Variants in TRPM1 observed in about 807,000 individuals in gnomAD.
TRPM1 encodes the protein TRPM1-203 APA Isoform, Intron 10.
In TRPM1, 113 loss-of-function variants were observed where a neutral mutation model predicts 149.4. The observed-to-expected ratio is 0.76, with a 90% CI of 0.65 to 0.88. The LOEUF (loss-of-function observed/expected upper bound fraction) is 0.88. Ranked by LOEUF, TRPM1 falls within the 40% of genes least tolerant of loss-of-function variation. TRPM1 has a pLI of 0.00. For synonymous variants in TRPM1, 741 were observed against 759.5 expected (o/e 0.98, Z 0.40); for missense variants, 1,976 against 2,038.7 (o/e 0.97, Z 0.59).
intron 1 of TRPM1, among the ~76,000 whole-genome samples, chr15:31,111,301 C>T (rs2035685568): frequency 6.6e-6 from 1 of 152,218 alleles, no homozygotes; most frequent in Non-Finnish European, 1.5e-5. Context: ...TGTCACTGTG[C>T]TGGCATCCCT....
intron 1 of TRPM1, among the ~76,000 whole-genome samples, chr15:31,085,278 T>C (rs1405751019): frequency 2.0e-5 from 3 of 152,350 alleles, no homozygotes; most frequent in Non-Finnish European, 2.9e-5. Flanking sequence ...ATCCTTGGCA[T>C]TTCTGCAGCA....
At chr15:31,033,528 T>C (rs2033192942) in intron 21 of TRPM1, among the ~76,000 whole-genome samples, 2 of 152,190 alleles carry the variant, frequency 1.3e-5, no homozygotes, top group East Asian at 3.9e-4. Context: ...TGCACAGGCG[T>C]GCGCAGAGCC....
intron 16 of TRPM1, 47 bp downstream of exon 16, chr15:31,046,157 T>C (rs932256857): frequency 1.3e-6 from 2 of 1,591,816 alleles, no homozygotes; most frequent in African/African-American, 1.3e-5. Flanking sequence ...GGGCTATGTA[T>C]ATTTGACCAG....
chr15:31,096,776 C>T (rs1344180604), intron 1 of TRPM1, among the ~76,000 whole-genome samples: 1 of 152,210 alleles, frequency 6.6e-6, no homozygotes, highest in Non-Finnish European at 1.5e-5. Flanking sequence ...CCTCGAGCCT[C>T]CTCTGGCAGT....
At chr15:31,112,814 G>A (rs554237597) in intron 1 of TRPM1, among the ~76,000 whole-genome samples, 5 of 152,232 alleles carry the variant, frequency 3.3e-5, no homozygotes, top group Admixed American at 6.5e-5. Flanking sequence ...TGCATATTAG[G>A]ATATTAAAAT....
chr15:31,151,738 T>A (rs905202503), intron 1 of TRPM1, among the ~76,000 whole-genome samples: 1 of 152,186 alleles, frequency 6.6e-6, no homozygotes, highest in Non-Finnish European at 1.5e-5. Flanking sequence ...GCTGGGACTG[T>A]CTCCCTCACC....
rs1241695840 is a variant in TRPM1, at chr15:31,001,925, G to T, written c.4775C>A (p.Ser1592Tyr). ...VKSIQGKLDR[S>Y]GHASSVSSLV... is the part of the protein sequence containing the mutation. ...GCTGCTTACACTACTGGCATGTCCA[G>T]ATCTGTCTAACTTTCCCTGAATGGA... Residue 1592 changes from serine (S) to tyrosine (Y), a missense_variant, in exon 28 of 28, where the codon TCT becomes TAT. Physicochemically the swap from Ser to Tyr is moderately radical, Grantham distance 144. Coordinates refer to ENST00000256552, the MANE Select transcript of TRPM1 (RefSeq NM_001252024.2). 2 of 1,614,110 alleles carry T rather than the reference G, an allele frequency of 1.2e-6. No homozygotes were observed. The highest frequency in any genetic ancestry group is 1.7e-5 in the Admixed American group (1 of 60,022).
chr15:31,004,569 C>T (rs1210508191), intron 27 of TRPM1, among the ~76,000 whole-genome samples: 1 of 152,066 alleles, frequency 6.6e-6, no homozygotes, highest in Non-Finnish European at 1.5e-5. Flanking sequence ...TTTATATGTA[C>T]TATAGGAAAC....
At chr15:31,105,296 C>T (rs537438625), upstream of TRPM1, among the ~76,000 whole-genome samples, 3 of 152,236 alleles carry the variant, frequency 2.0e-5, no homozygotes, top group Non-Finnish European at 4.4e-5. Flanking sequence ...CATTTCTTGC[C>T]GCAGATCTAG....
chr15:31,122,397 T>G (rs1248890104), intron 1 of TRPM1, among the ~76,000 whole-genome samples: 1 of 152,214 alleles, frequency 6.6e-6, no homozygotes, highest in Non-Finnish European at 1.5e-5. Flanking sequence ...TAAAACTGTC[T>G]TTGCTCACAG....
chr15:31,014,313 T>A (rs1014999822), intron 27 of TRPM1, among the ~76,000 whole-genome samples: 8 of 152,118 alleles, frequency 5.3e-5, no homozygotes, highest in African/African-American at 1.9e-4. Context: ...CTGTTCCAAC[T>A]CAGGTGAAAT....
At chr15:31,159,841 A>G (rs1260195716) in intron 1 of TRPM1, among the ~76,000 whole-genome samples, 1 of 152,038 alleles carries the variant, frequency 6.6e-6, no homozygotes, top group African/African-American at 2.4e-5. Flanking sequence ...GCCCAGATAA[A>G]TAACCTCTCT....
upstream of TRPM1, among the ~76,000 whole-genome samples, chr15:31,105,580 C>T (rs2035596026): frequency 6.6e-6 from 1 of 152,166 alleles, no homozygotes; most frequent in South Asian, 2.1e-4. Flanking sequence ...ATGTTTGTGT[C>T]TCTTTTTGCT....
intron 13 of TRPM1, among the ~76,000 whole-genome samples, chr15:31,049,067 C>T (rs1326512844): frequency 6.6e-6 from 1 of 152,178 alleles, no homozygotes; most frequent in Non-Finnish European, 1.5e-5. Flanking sequence ...GGTGACATTT[C>T]ACTCTGCTAA....
At chr15:31,042,429 ACTAT>A in intron 16 of TRPM1, 186 bp from the exon 17 acceptor site, 1 of 665,704 alleles carries the variant, frequency 1.5e-6, no homozygotes, top group Non-Finnish European at 2.5e-6. Flanking sequence ...TGATAAGTAA[ACTAT>A]CTAAAACCAA....
At chr15:31,151,870 C>A (rs942846502) in intron 1 of TRPM1, among the ~76,000 whole-genome samples, 1 of 152,248 alleles carries the variant, frequency 6.6e-6, no homozygotes, top group African/African-American at 2.4e-5. Context: ...TGGCTGAGGC[C>A]TTTGCCCCTC....
intron 1 of TRPM1, among the ~76,000 whole-genome samples, chr15:31,112,508 G>A (rs2035703994): frequency 1.3e-5 from 2 of 152,126 alleles, no homozygotes; most frequent in Non-Finnish European, 2.9e-5. Context: ...AGTCCCAAAT[G>A]CTCCCCAGTC....
intron 1 of TRPM1, among the ~76,000 whole-genome samples, chr15:31,107,495 C>T (rs189382160): frequency 4.6e-5 from 7 of 152,202 alleles, no homozygotes; most frequent in Middle Eastern, 3.4e-3. Flanking sequence ...TTTTGTTGAC[C>T]TTTCCAGGGA....
chr15:31,081,466 G>A, intron 1 of TRPM1, 28 bp from the exon 2 acceptor site: 2 of 1,436,272 alleles, frequency 1.4e-6, no homozygotes, highest in African/African-American at 1.4e-5. Context: ...AGGAGTAAGA[G>A]TCACTTTGCC....
Sources: gnomAD v4.1 joint callset for allele counts (sites outside exome capture counted in the v4.1 genomes callset) on GRCh38, gnomAD v4.1.1 for gene constraint, MANE v1.5 for transcripts, NCBI Gene and HGNC (gene_info 2026-07-23, HGNC 2026-07-21) for gene names.